Variants in B4GALNT3 observed in about 807,000 individuals in gnomAD.
B4GALNT3 encodes the protein beta-1,4-N-acetyl-galactosaminyltransferase 3, also known as beta-1,4-N-acetylgalactosaminyltransferase 3.
In B4GALNT3, 86 loss-of-function variants were observed where a neutral mutation model predicts 120.2. The observed-to-expected ratio is 0.72, with a 90% CI of 0.60 to 0.86. The LOEUF is 0.86. B4GALNT3 is among the 40% of genes least tolerant of loss of function. The probability of loss-of-function intolerance (pLI) is 0.00; values close to 1 mark genes in which losing one functional copy is unlikely to be tolerated. For synonymous variants in B4GALNT3, 518 were observed against 510.4 expected, an observed-to-expected ratio of 1.01 and a Z score of -0.20; for missense variants, 1,167 against 1,298.9, an observed-to-expected ratio of 0.90 and a Z score of 1.56.
intron 16 of B4GALNT3, 55 bp downstream of exon 16, chr12:557,816 T>C: frequency 6.4e-7 from 1 of 1,558,078 alleles, no homozygotes; most frequent in Admixed American, 1.9e-5. Flanking sequence ...CCTAAAGTCC[T>C]AGGGCTGCTG....
At chr12:485,433 A>G (rs1328955792) in intron 1 of B4GALNT3, among the ~76,000 whole-genome samples, 3 of 152,240 alleles carry the variant, frequency 2.0e-5, no homozygotes, top group East Asian at 1.9e-4. Context: ...GTCTGATTCT[A>G]TGACATTAGG....
chr12:486,364 T>C (rs1946291118), intron 1 of B4GALNT3, among the ~76,000 whole-genome samples: 1 of 151,884 alleles, frequency 6.6e-6, no homozygotes, highest in Non-Finnish European at 1.5e-5. Context: ...TGCCTGCCAC[T>C]GCACCCGGCT....
Position 515,991 on chromosome 12 carries a change from C to A in B4GALNT3, c.170-19175C>A, listed in dbSNP as rs541449064. Among the ~76,000 whole-genome samples the A allele has an allele frequency of 4.9e-4, 74 of 151,772 alleles. 2 individuals are homozygous for A. In the South Asian group the frequency reaches 0.015, roughly 30 times the overall value. ...TCTCTACTAAAAACACACACACACA[C>A]AAAAATTAGCCAGGCGTGGTGGCGG... On this transcript the variant is annotated intron_variant, in intron 1 of 19. Transcript: ENST00000266383.
intron 1 of B4GALNT3, among the ~76,000 whole-genome samples, chr12:516,538 G>A (rs569759926): frequency 5.4e-4 from 83 of 152,308 alleles, no homozygotes; most frequent in African/African-American, 1.9e-3. Context: ...AATCTGCAAG[G>A]CCTTACTCGT....
Position 460,532 on chromosome 12 carries a change from C to T in B4GALNT3, c.156C>T (p.Asn52=), listed in dbSNP as rs1317856243. 6.6e-7 allele frequency: 1 copy of T among 1,520,628 alleles called. No individual in the cohort carries two copies. Among genetic ancestry groups the T allele is most frequent in the Non-Finnish European group, 8.9e-7 (1 of 1,129,118 alleles). The allele number at this position is 1,520,628 out of a possible 1,614,324, so 94.2% of individuals were successfully genotyped here. ...ELVASAQVGG[N]PLNRRYGSWR... Reference sequence around the variant, plus strand: ...TGGCGTCGGCCCAGGTCGGCGGGAACCCCCTGAACCGGAGTAAGTAGCACC... The same window carrying T: ...TGGCGTCGGCCCAGGTCGGCGGGAATCCCCTGAACCGGAGTAAGTAGCACC... The change falls in exon 1 of 20, where the codon AAC becomes AAT. Residue 52 remains asparagine, a synonymous_variant. Transcript: ENST00000266383. This position sits in a 1 kb window ranked among gnomAD's most constrained non-coding sequence, Gnocchi z 8.0.
chr12:535,151 C>A lies in B4GALNT3; in HGVS notation c.170-15C>A, dbSNP rs566487043. On this transcript the variant is annotated splice_polypyrimidine_tract_variant and intron_variant, in intron 1 of 19. Transcript: ENST00000266383. ...GTTACGCTGACCTGAGGGCTCCTCT[C>A]TTCCCCTTCCACAGGGTACGGCAGC... The A allele has an allele frequency of 6.2e-7, 1 of 1,606,038 alleles. No homozygotes were observed. Among genetic ancestry groups the A allele is most frequent in the African/African-American group, 1.3e-5 (1 of 74,754 alleles).
chr12:476,298 TG>T (rs1946184847), intron 1 of B4GALNT3, among the ~76,000 whole-genome samples: 1 of 152,212 alleles, frequency 6.6e-6, no homozygotes, highest in Admixed American at 6.5e-5. Context: ...AAATGTTAGC[TG>T]ATGGCTGGAC....
chr12:502,590 G>A (rs550602412), intron 1 of B4GALNT3, among the ~76,000 whole-genome samples: 1 of 152,266 alleles, frequency 6.6e-6, no homozygotes, highest in African/African-American at 2.4e-5. Flanking sequence ...GAGAAAGACT[G>A]AGGAAGAGGG....
intron 1 of B4GALNT3, among the ~76,000 whole-genome samples, chr12:481,821 G>A (rs183995878): frequency 1.3e-5 from 2 of 152,234 alleles, no homozygotes; most frequent in Admixed American, 6.5e-5. Context: ...GGGGAAGCCT[G>A]GATGAGGGTC....
chr12:499,612 G>A (rs562534852), intron 1 of B4GALNT3, among the ~76,000 whole-genome samples: 3 of 132,912 alleles, frequency 2.3e-5, no homozygotes, highest in African/African-American at 3.3e-5. Flanking sequence ...CGTGGAGCCC[G>A]TGCTCTCACT....
intron 3 of B4GALNT3, among the ~76,000 whole-genome samples, chr12:542,685 C>G (rs1366840971): frequency 6.6e-6 from 1 of 152,234 alleles, no homozygotes; most frequent in Non-Finnish European, 1.5e-5. Context: ...TTCCCCCTTT[C>G]TGGGGAAGGG....
chr12:495,391 T>A (rs1421158846), intron 1 of B4GALNT3, among the ~76,000 whole-genome samples: 2 of 152,224 alleles, frequency 1.3e-5, no homozygotes, highest in African/African-American at 2.4e-5. Context: ...CCCCTAACTT[T>A]CTTTGTAAAC....
Position 553,350 on chromosome 12 carries a change from G to A in B4GALNT3, c.1427G>A (p.Arg476Gln), listed in dbSNP as rs138103066. 327 of 1,613,616 alleles carry A rather than the reference G, an allele frequency of 2.0e-4. 1 individual carries two copies. Among genetic ancestry groups the A allele is most frequent in the Non-Finnish European group, 2.5e-4 (298 of 1,180,034 alleles). ...DATDYRLRSL[R>Q]KLLAQPREGL... Reference sequence around the variant, plus strand: ...ACTGACTACCGCCTCCGAAGCCTGCGGAAACTCCTGGCTCAGCCCCGGGAG... The same window carrying A: ...ACTGACTACCGCCTCCGAAGCCTGCAGAAACTCCTGGCTCAGCCCCGGGAG... The change falls in exon 14 of 20, where the codon CGG becomes CAG. Residue 476 changes from arginine (R) to glutamine (Q), a missense_variant. Coordinates refer to ENST00000266383, the MANE Select transcript of B4GALNT3 (RefSeq NM_173593.4).
Position 539,498 on chromosome 12 carries a change from G to A in B4GALNT3, c.351+3203G>A, listed in dbSNP as rs537367643. Among the ~76,000 whole-genome samples the A allele has an allele frequency of 6.7e-5, 10 of 149,962 alleles. No homozygotes were observed. The South Asian group carries it at 1.9e-3, about 28-fold the overall frequency. ...GTGTCTCTCTTTTGTGGACAGAGCTGTGACACAGACTCCTTCCTGTTCTCA... is the reference window on the plus strand; with the variant it reads ...GTGTCTCTCTTTTGTGGACAGAGCTATGACACAGACTCCTTCCTGTTCTCA... On this transcript the variant is annotated intron_variant, in intron 3 of 19. Transcript: ENST00000266383.
chr12:466,859 T>C (rs1946085865), intron 1 of B4GALNT3, among the ~76,000 whole-genome samples: 2 of 152,174 alleles, frequency 1.3e-5, no homozygotes, highest in Non-Finnish European at 2.9e-5. Flanking sequence ...AAATCGTCCC[T>C]GTGGTTCCTC....
At chr12:549,940 C>T in intron 10 of B4GALNT3, 28 bp downstream of exon 10, 1 of 1,582,432 alleles carries the variant, frequency 6.3e-7, no homozygotes, top group South Asian at 1.1e-5. Context: ...GCTTGGCGTC[C>T]TTTCTGGGGA....
intron 1 of B4GALNT3, among the ~76,000 whole-genome samples, chr12:529,476 G>A (rs1271740194): frequency 6.6e-6 from 1 of 152,196 alleles, no homozygotes; most frequent in African/African-American, 2.4e-5. Context: ...GTGGAGTGAT[G>A]GGTGAGGTGA....
intron 1 of B4GALNT3, among the ~76,000 whole-genome samples, chr12:525,395 C>T (rs527557426): frequency 3.3e-4 from 51 of 152,340 alleles, no homozygotes; most frequent in Non-Finnish European, 6.5e-4. Context: ...AGGCGTGAGC[C>T]ACTGCGCTCG....
intron 1 of B4GALNT3, among the ~76,000 whole-genome samples, chr12:532,097 C>T (rs920337231): frequency 7.9e-5 from 12 of 152,302 alleles, no homozygotes; most frequent in African/African-American, 2.4e-4. Flanking sequence ...TGAGCCACCA[C>T]GCCAGGCCAC....
Sources: allele counts gnomAD v4.1 joint callset (sites outside exome capture counted in the v4.1 genomes callset), GRCh38; gene constraint gnomAD v4.1.1; non-coding constraint Gnocchi (gnomAD v3.1); transcripts MANE v1.5; gene names NCBI Gene and HGNC (gene_info 2026-07-23, HGNC 2026-07-21).